Variants in ANK1 observed in about 807,000 individuals in gnomAD.
ANK1 encodes the protein ankyrin 1, also known as ankyrin-1.
ANK1 carries 51 observed loss-of-function variants against 210.4 expected under a neutral mutation model. The ratio of observed to expected loss-of-function variants is 0.24; its 90% CI spans 0.19 to 0.31. ANK1 has a LOEUF of 0.31. Ranked by LOEUF, ANK1 falls within the 10% of genes least tolerant of loss-of-function variation. The pLI is 1.00. For missense variants in ANK1, 2,051 were observed against 2,504.4 expected (o/e 0.82, Z 3.86); for synonymous variants, 967 against 1,025.9 (o/e 0.94, Z 1.10).
rs925701582 is a variant in ANK1 at position 41,733,980 on chromosome 8, C to T, written c.219G>A (p.Thr73=). 4 of 1,614,130 alleles carry T rather than the reference C, an allele frequency of 2.5e-6. No homozygotes were observed. The highest frequency in any genetic ancestry group is 1.3e-5 in the African/African-American group (1 of 75,064). Residue 73 remains threonine (T), a synonymous_variant, in exon 3 of 43, where the codon ACG becomes ACA. Transcript: ENST00000289734. The part of the protein sequence containing the change: ...ELLHKEIILE[T]TTKKGNTALH... ...TCCCTGTGAGACATACCTTGGTTGTCGTTTCTAGAATGATTTCTTTGTGCA... is the reference window on the plus strand; with the variant it reads ...TCCCTGTGAGACATACCTTGGTTGTTGTTTCTAGAATGATTTCTTTGTGCA...
chr8:41,888,360 T>C (rs991230951), intron 1 of ANK1, among the ~76,000 whole-genome samples: 2 of 152,204 alleles, frequency 1.3e-5, no homozygotes, highest in African/African-American at 4.8e-5. Flanking sequence ...TGTATGCAAA[T>C]GTGATACCGC....
chr8:41,689,033 G>A (rs889289446), intron 33 of ANK1, among the ~76,000 whole-genome samples: 14 of 152,128 alleles, frequency 9.2e-5, no homozygotes, highest in Admixed American at 7.9e-4. Flanking sequence ...TGAAAGACCC[G>A]TTTCTGTACT....
At chr8:41,858,641 A>G (rs963934914) in intron 1 of ANK1, among the ~76,000 whole-genome samples, 2 of 152,244 alleles carry the variant, frequency 1.3e-5, no homozygotes, top group Non-Finnish European at 2.9e-5. Flanking sequence ...GGCACCAGGT[A>G]GATTAGGCCC....
intron 1 of ANK1, among the ~76,000 whole-genome samples, chr8:41,879,239 A>C (rs988937012): frequency 3.9e-5 from 6 of 152,102 alleles, no homozygotes; most frequent in African/African-American, 1.4e-4. Flanking sequence ...CCAGCTTCCC[A>C]GTCCAGAAAA....
Position 41,723,561 on chromosome 8 carries a change from C to T in ANK1, c.784G>A (p.Gly262Arg). ...VIMVRLLLDR[G>R]AQIETKTKDE... ...TTGGTCTTGGTTTCTATCTGGGCTC[C>T]CCGATCCAGCAGCAGCCGCACCATG... Residue 262 changes from glycine to arginine, a missense_variant, in exon 8 of 43, where the codon GGA becomes AGA. Gly to Arg is a moderately radical substitution (Grantham distance 125). Transcript: ENST00000289734. 1 of 1,614,038 alleles carries T rather than the reference C, an allele frequency of 6.2e-7. No individual in the cohort carries two copies. Among genetic ancestry groups the T allele is most frequent in the Middle Eastern group, 1.6e-4 (1 of 6,062 alleles).
chr8:41,818,924 C>T (rs1803759488), intron 1 of ANK1, among the ~76,000 whole-genome samples: 1 of 152,192 alleles, frequency 6.6e-6, no homozygotes, highest in Non-Finnish European at 1.5e-5. Flanking sequence ...ACACAGGTAA[C>T]TTGCCCAGAC....
intron 1 of ANK1, among the ~76,000 whole-genome samples, chr8:41,894,465 C>T (rs1002364903): frequency 4.6e-5 from 7 of 152,092 alleles, no homozygotes; most frequent in South Asian, 2.1e-4. Context: ...TTGAAATCAC[C>T]GCTTTCACAT....
chr8:41,889,473 G>A (rs1317019457), intron 1 of ANK1, among the ~76,000 whole-genome samples: 1 of 152,114 alleles, frequency 6.6e-6, no homozygotes, highest in Non-Finnish European at 1.5e-5. Flanking sequence ...CTATTTCCTT[G>A]GTAAAAACAC....
At chr8:41,666,832 G>C (rs1810705897) in intron 39 of ANK1, among the ~76,000 whole-genome samples, 1 of 152,228 alleles carries the variant, frequency 6.6e-6, no homozygotes, top group African/African-American at 2.4e-5. Flanking sequence ...TGGGAACTGA[G>C]GGATCTGGAC....
chr8:41,795,775 G>A (rs1848628571), intron 1 of ANK1, among the ~76,000 whole-genome samples: 1 of 152,112 alleles, frequency 6.6e-6, no homozygotes, highest in Non-Finnish European at 1.5e-5. Flanking sequence ...GCAAGAGAAT[G>A]AAGAGAGATT....
At chr8:41,834,445 A>C (rs1198388810) in intron 1 of ANK1, among the ~76,000 whole-genome samples, 5 of 151,968 alleles carry the variant, frequency 3.3e-5, no homozygotes, top group Non-Finnish European at 5.9e-5. Context: ...GTTCTTGCAA[A>C]CCCCTGGCTC....
intron 1 of ANK1, among the ~76,000 whole-genome samples, chr8:41,889,769 A>G (rs1024732191): frequency 1.3e-5 from 2 of 152,206 alleles, no homozygotes; most frequent in African/African-American, 4.8e-5. Context: ...TAGGAGTCTC[A>G]GCAAAGTTAG....
intron 1 of ANK1, among the ~76,000 whole-genome samples, chr8:41,768,375 G>C (rs564295169): frequency 6.6e-6 from 1 of 152,190 alleles, no homozygotes. Context: ...TTCCTCTCCC[G>C]CTGTCCCCTG....
Position 41,763,889 on chromosome 8 carries a change from C to CTTTTTTTTTTTTTTTTTTTTTTTTT in ANK1, c.28-5777_28-5753dup. Among the ~76,000 whole-genome samples the CTTTTTTTTTTTTTTTTTTTTTTTTT allele has an allele frequency of 1.2e-3, 71 of 57,816 alleles. 2 individuals carry two copies. Among genetic ancestry groups the CTTTTTTTTTTTTTTTTTTTTTTTTT allele is most frequent in the South Asian group, 3.0e-3 (3 of 1,002 alleles). The allele number at this position is 57,816 out of a possible 152,430, so 37.9% of individuals were successfully genotyped here. ...TTCTTCTTTCTTTTTTTCTTTTTTT[C>CTTTTTTTTTTTTTTTTTTTTTTTTT]TTTTTTTTTTTTTTTTTTTTTTTTT... On this transcript the variant is annotated intron_variant, in intron 1 of 42. Transcript: ENST00000289734.
At chr8:41,773,093 G>A (rs762381330) in intron 1 of ANK1, among the ~76,000 whole-genome samples, 3 of 152,206 alleles carry the variant, frequency 2.0e-5, no homozygotes, top group Non-Finnish European at 4.4e-5. Flanking sequence ...TAACCTTAAT[G>A]GCAGTGACAG....
rs1828180384 is a variant in ANK1, at chr8:41,718,035, G to A, written c.1206+71C>T. On this transcript the variant is annotated intron_variant, in intron 11 of 42. Coordinates refer to ENST00000289734, the MANE Select transcript of ANK1 (RefSeq NM_000037.4). ...CTGCAGCCATACAAAGCTACAAAGA[G>A]CGACTCTTGGAGAAGGTGGGTCGGG... 4.8e-6 allele frequency: 7 copies of A among 1,456,920 alleles called. No homozygotes were observed. In the South Asian group the frequency reaches 6.9e-5, roughly 14 times the overall value. The allele number at this position is 1,456,920 out of a possible 1,614,324, so 90.2% of individuals were successfully genotyped here.
At chr8:41,669,251 C>T (rs1193449585) in intron 38 of ANK1, among the ~76,000 whole-genome samples, 1 of 151,960 alleles carries the variant, frequency 6.6e-6, no homozygotes, top group Admixed American at 6.6e-5. Flanking sequence ...TGGCTCTCCT[C>T]CTAGACCTAC....
intron 1 of ANK1, among the ~76,000 whole-genome samples, chr8:41,830,910 G>A (rs1032388301): frequency 2.0e-5 from 3 of 152,104 alleles, no homozygotes; most frequent in Non-Finnish European, 2.9e-5. Flanking sequence ...TCATCAACAC[G>A]GCTGTTTACA....
At position 41,893,525 on chromosome 8, in the gene ANK1, C is replaced by T. The variant is rs139960454; in HGVS notation, c.126+2830G>A. Among the ~76,000 whole-genome samples, 43 of 152,354 alleles carry T rather than the reference C, an allele frequency of 2.8e-4. No homozygotes were observed. In the East Asian group the frequency reaches 6.6e-3, roughly 23 times the overall value. On this transcript the variant is annotated intron_variant, in intron 1 of 42. Transcript: ENST00000265709. ...GCACCCCTTAGCAAGCACCTTCCCA[C>T]ACAATATCATCAACTGTAAAAACTG... is the stretch of plus-strand genomic sequence containing the variant.
Sources: allele counts gnomAD v4.1 joint callset (sites outside exome capture counted in the v4.1 genomes callset), GRCh38; gene constraint gnomAD v4.1.1; transcripts MANE v1.5; gene names NCBI Gene and HGNC (gene_info 2026-07-23, HGNC 2026-07-21).